The following RIMS1 variants were observed in gnomAD, a reference collection of about 807,000 sequenced individuals.
The protein encoded by RIMS1 is regulating synaptic membrane exocytosis 1.
A neutral mutation model predicts 214.1 loss-of-function variants in RIMS1; 83 were observed. The ratio of observed to expected loss-of-function variants is 0.39; its 90% CI spans 0.32 to 0.47. The LOEUF (loss-of-function observed/expected upper bound fraction) is 0.47, where lower values mean the gene tolerates loss of function less well. Ranked by LOEUF, RIMS1 falls within the 20% of genes least tolerant of loss-of-function variation. The pLI is 0.99. For synonymous variants in RIMS1, 793 were observed against 786.8 expected, an observed-to-expected ratio of 1.01 and a Z score of -0.13; for missense variants, 2,050 against 2,161.8, an observed-to-expected ratio of 0.95 and a Z score of 1.03.
chr6:72,338,026 T>C (rs1371264412), intron 29 of RIMS1, among the ~76,000 whole-genome samples: 1 of 151,768 alleles, frequency 6.6e-6, no homozygotes, highest in Non-Finnish European at 1.5e-5. Flanking sequence ...GTCTTTGCTA[T>C]TGTGAATAGT....
At chr6:72,134,203 C>T (rs924875196) in intron 4 of RIMS1, among the ~76,000 whole-genome samples, 1 of 151,982 alleles carries the variant, frequency 6.6e-6, no homozygotes, top group Non-Finnish European at 1.5e-5. Flanking sequence ...ATAATTTATT[C>T]ATCAGGTTCC....
At chr6:72,340,366 A>G (rs1283634644) in intron 29 of RIMS1, among the ~76,000 whole-genome samples, 3 of 151,910 alleles carry the variant, frequency 2.0e-5, no homozygotes, top group Middle Eastern at 3.2e-3. Flanking sequence ...GCCCATGCCT[A>G]TGTCCTGAAT....
intron 9 of RIMS1, 150 bp downstream of exon 9, chr6:72,238,072 G>A (rs2065030456): frequency 2.3e-6 from 1 of 441,232 alleles, no homozygotes; most frequent in Non-Finnish European, 4.0e-6. Context: ...TTTAATGCAC[G>A]AATAAAGACT....
intron 2 of RIMS1, among the ~76,000 whole-genome samples, chr6:72,061,769 GT>G (rs1486512667): frequency 6.6e-6 from 1 of 151,850 alleles, no homozygotes; most frequent in African/African-American, 2.4e-5. Context: ...TCGAGTGAAA[GT>G]TTTTTTTTAA....
At position 72,099,865 on chromosome 6, in the gene RIMS1, G is replaced by A. The variant is rs2033093602; in HGVS notation, c.460-110G>A. ...AATAGTTGTGCTTTAATACTTTGAA[G>A]AAACACATAATTGTTTTCTTAAAAC... On this transcript the variant is annotated intron_variant, in intron 3 of 33. Transcript: ENST00000521978. 3 of 800,336 alleles carry A rather than the reference G, an allele frequency of 3.7e-6. No homozygotes were observed. In the East Asian group the frequency reaches 7.5e-5, roughly 20 times the overall value. 49.6% of individuals were successfully genotyped at this position (800,336 alleles called of 1,614,324 possible). A position where few individuals can be genotyped will look rare whatever the true frequency, so the allele number is the denominator to read the frequency against.
At chr6:72,026,516 T>C (rs920750795) in intron 2 of RIMS1, among the ~76,000 whole-genome samples, 1 of 138,424 alleles carries the variant, frequency 7.2e-6, no homozygotes, top group African/African-American at 2.7e-5. Context: ...AATCTACCAA[T>C]GTGGAGTCCA....
At chr6:72,319,756 A>G (rs2096045310) in intron 28 of RIMS1, among the ~76,000 whole-genome samples, 1 of 152,040 alleles carries the variant, frequency 6.6e-6, no homozygotes, top group South Asian at 2.1e-4. Flanking sequence ...ACTATCTAGT[A>G]TAAAACAAAA....
chr6:72,068,915 A>G (rs1055915195), intron 2 of RIMS1, among the ~76,000 whole-genome samples: 10 of 152,048 alleles, frequency 6.6e-5, no homozygotes, highest in Non-Finnish European at 1.2e-4. Flanking sequence ...CGTCTCAAAA[A>G]AAAAAAAAAT....
chr6:72,216,736 A>G (rs1431374266), intron 6 of RIMS1: 1 of 986,088 alleles, frequency 1.0e-6, no homozygotes, highest in Non-Finnish European at 1.2e-6. Context: ...GAGCTCCTGA[A>G]CATTTGCCTG....
intron 2 of RIMS1, among the ~76,000 whole-genome samples, chr6:72,001,430 G>T (rs943220124): frequency 6.6e-6 from 1 of 151,968 alleles, no homozygotes; most frequent in Non-Finnish European, 1.5e-5. Context: ...ACCATTCTTG[G>T]ACATGTTACC....
chr6:72,358,143 C>CA (rs1327741625), intron 29 of RIMS1, among the ~76,000 whole-genome samples: 1 of 146,830 alleles, frequency 6.8e-6, no homozygotes, highest in African/African-American at 2.5e-5. Context: ...TTTTGCTGCT[C>CA]ATAGAAGTAA....
chr6:71,984,530 TA>T lies in RIMS1; in HGVS notation c.245+15469del, dbSNP rs1229434278. Among the ~76,000 whole-genome samples the T allele has an allele frequency of 2.6e-5, 4 of 152,316 alleles. No homozygotes were observed. In the East Asian group the frequency reaches 7.7e-4, roughly 29 times the overall value. On this transcript the variant is annotated intron_variant, in intron 2 of 33. Transcript: ENST00000521978. Reference sequence around the variant, plus strand: ...AGCCCTCAACACGTTAAACCTTAGTTAATTTTTTTCCCAGAGAAGAAGGCAT... The same window carrying T: ...AGCCCTCAACACGTTAAACCTTAGTTATTTTTTTCCCAGAGAAGAAGGCAT...
intron 1 of RIMS1, among the ~76,000 whole-genome samples, chr6:71,910,918 T>G (rs1479607588): frequency 6.6e-6 from 1 of 152,176 alleles, no homozygotes. Context: ...ATGATCAATC[T>G]GGCTCCAATA....
intron 6 of RIMS1, among the ~76,000 whole-genome samples, chr6:72,189,783 C>T (rs1014368481): frequency 3.9e-5 from 6 of 152,206 alleles, no homozygotes; most frequent in South Asian, 2.1e-4. Context: ...GCCCATTGGG[C>T]GATGACAGAG....
intron 25 of RIMS1, among the ~76,000 whole-genome samples, chr6:72,291,629 C>T (rs72933526): frequency 3.1e-3 from 479 of 152,126 alleles, no homozygotes; most frequent in Non-Finnish European, 5.5e-3. Context: ...TCAGTACTGC[C>T]AAAACTGAAT....
intron 2 of RIMS1, among the ~76,000 whole-genome samples, chr6:72,019,899 A>G (rs1814066432): frequency 1.3e-5 from 2 of 152,166 alleles, no homozygotes; most frequent in African/African-American, 4.8e-5. Flanking sequence ...GGTATTCACC[A>G]TTGTCTTGTA....
intron 8 of RIMS1, 148 bp downstream of exon 8, chr6:72,235,876 A>G: frequency 2.7e-6 from 1 of 370,378 alleles, no homozygotes; most frequent in Non-Finnish European, 4.6e-6. Context: ...AGGAAAATTG[A>G]ATAAAATTTA....
intron 29 of RIMS1, among the ~76,000 whole-genome samples, chr6:72,347,758 C>G (rs547551917): frequency 1.6e-4 from 24 of 151,832 alleles, no homozygotes; most frequent in Non-Finnish European, 3.4e-4. Context: ...CTTAATCTGT[C>G]AGTTTGTCTG....
intron 29 of RIMS1, among the ~76,000 whole-genome samples, chr6:72,363,632 T>C (rs190361421): frequency 4.1e-4 from 63 of 152,294 alleles, no homozygotes; most frequent in African/African-American, 1.4e-3. Flanking sequence ...TTAAAAAATA[T>C]TATTTATTAA....
Sources: gnomAD v4.1 joint callset for allele counts (sites outside exome capture counted in the v4.1 genomes callset) on GRCh38, gnomAD v4.1.1 for gene constraint, MANE v1.5 for transcripts, NCBI Gene and HGNC (gene_info 2026-07-23, HGNC 2026-07-21) for gene names.